The following MPI variants were observed in gnomAD, a reference collection of about 807,000 sequenced individuals.
MPI encodes mannose-6-phosphate isomerase.
In MPI, 33 loss-of-function variants were observed where a neutral mutation model predicts 40.1. That is an observed-to-expected ratio of 0.82 (90% CI 0.62 to 1.10). The LOEUF (loss-of-function observed/expected upper bound fraction) is 1.10, where lower values mean the gene tolerates loss of function less well. Ranked by LOEUF, MPI falls within the 50% of genes least tolerant of loss-of-function variation. The pLI is 0.00. For missense variants in MPI, 514 were observed against 524.1 expected (o/e 0.98, Z 0.19); for synonymous variants, 187 against 207.4 (o/e 0.90, Z 0.85).
rs1455616857 is a variant in MPI, at chr15:74,890,741, G to T, written c.144+87G>T. The T allele has an allele frequency of 1.9e-6, 3 of 1,592,254 alleles. No homozygotes were observed. The Admixed American group carries it at 5.0e-5, about 27-fold the overall frequency. ...AAGTCATAAGAATCAGCTGGGAAGGGTGAGGCAGCAAGGAGGGAGGAGACC... is the reference window on the plus strand; with the variant it reads ...AAGTCATAAGAATCAGCTGGGAAGGTTGAGGCAGCAAGGAGGGAGGAGACC... On this transcript the variant is annotated intron_variant, in intron 2 of 7. Transcript: ENST00000352410.
At position 74,898,684 on chromosome 15, in the gene MPI, C is replaced by G. The variant is rs1229046960; in HGVS notation, c.*954C>G. The G allele has an allele frequency of 1.3e-5, 2 of 152,122 alleles. No individual in the cohort carries two copies. The highest frequency in any genetic ancestry group is 2.9e-5 in the Non-Finnish European group (2 of 68,072). The allele number at this position is 152,122 out of a possible 1,614,324, so 9.4% of individuals were successfully genotyped here. On this transcript the variant is annotated 3_prime_UTR_variant, in exon 8 of 8. Coordinates refer to ENST00000352410, the MANE Select transcript of MPI (RefSeq NM_002435.3). Reference sequence around the variant, plus strand: ...TCCCAAGTAGCTGGGACCACAGGCGCCCACCACCACGCCCAGCCAATTTTT... The same window carrying G: ...TCCCAAGTAGCTGGGACCACAGGCGGCCACCACCACGCCCAGCCAATTTTT...
At chr15:74,890,122 T>C in intron 1 of MPI, 33 bp downstream of exon 1, 1 of 1,607,152 alleles carries the variant, frequency 6.2e-7, no homozygotes, top group South Asian at 1.1e-5. Context: ...GGCGAGTGTG[T>C]TCGTGGAGCG....
At position 74,901,943 on chromosome 15, in the gene MPI, A is replaced by C. The variant is rs2141226619; in HGVS notation, c.*4213A>C. 1 of 396,574 alleles carries C rather than the reference A, an allele frequency of 2.5e-6. No homozygotes were observed. The highest frequency in any genetic ancestry group is 1.4e-4 in the South Asian group (1 of 7,002). The allele number at this position is 396,574 out of a possible 1,614,324, so 24.6% of individuals were successfully genotyped here. A position where few individuals can be genotyped will look rare whatever the true frequency, so the allele number is the denominator to read the frequency against. ...AGGGAAGGGCAAACCAGAATCACTA[A>C]ACTCACCCGGACGGTTGGACCAGTT... On this transcript the variant is annotated 3_prime_UTR_variant, in exon 8 of 8. Coordinates refer to ENST00000352410, the MANE Select transcript of MPI (RefSeq NM_002435.3).
intron 7 of MPI, 103 bp from the exon 8 acceptor site, chr15:74,897,406 GAGA>G (rs1355127365): frequency 2.2e-6 from 3 of 1,341,958 alleles, no homozygotes; most frequent in Non-Finnish European, 3.2e-6. Flanking sequence ...TGGGTTGTGC[GAGA>G]AGGTGGCAGA....
Position 74,897,087 on chromosome 15 carries a change from C to G in MPI, c.921C>G (p.Thr307=), listed in dbSNP as rs988837470. The G allele has an allele frequency of 1.2e-6, 2 of 1,614,022 alleles. No homozygotes were observed. The highest frequency in any genetic ancestry group is 1.3e-5 in the African/African-American group (1 of 74,888). Residue 307 remains threonine, a synonymous_variant, in exon 7 of 8, where the codon ACC becomes ACG. Transcript: ENST00000352410. The part of the protein sequence containing the change: ...GLTPKFIDVP[T]LCEMLSYTPS... ...CACCCAAGTTCATTGATGTGCCAAC[C>G]CTGTGTGAAATGCTCAGCTATACCC...
chr15:74,896,420 C>A lies in MPI; in HGVS notation c.844+95C>A, dbSNP rs141744329. On this transcript the variant is annotated intron_variant, in intron 6 of 7. Transcript: ENST00000352410. ...GAAGGAGAAGGGTGGTCAAGGAGAC[C>A]CCCAAGGACCTTGCAGCTCTGACCT... 21 of 1,432,014 alleles carry A rather than the reference C, an allele frequency of 1.5e-5. No homozygotes were observed. In the East Asian group the frequency reaches 4.7e-4, roughly 32 times the overall value. 88.7% of individuals were successfully genotyped at this position (1,432,014 alleles called of 1,614,324 possible).
In MPI at chr15:74,892,759, G is replaced by T; in HGVS notation, c.444G>T (p.Leu148Phe). The T allele has an allele frequency of 2.5e-6, 4 of 1,614,286 alleles. No homozygotes were observed. The highest frequency in any genetic ancestry group is 3.4e-6 in the Non-Finnish European group (4 of 1,180,054). The part of the protein sequence containing the change: ...MAIALTPFQG[L>F]CGFRPVEEIV... ...TTGCCCTCACCCCCTTCCAGGGCTT[G>T]TGTGGCTTCCGGCCAGTTGAGGAGA... is the stretch of plus-strand genomic sequence containing the variant. The change falls in exon 4 of 8, where the codon TTG becomes TTT. Residue 148 changes from leucine to phenylalanine, a missense_variant. Physicochemically the swap from Leu to Phe is conservative, Grantham distance 22. Transcript: ENST00000352410.
Position 74,897,021 on chromosome 15 carries a change from G to A in MPI, c.855G>A (p.Glu285=), listed in dbSNP as rs769504650. 15 of 1,614,032 alleles carry A rather than the reference G, an allele frequency of 9.3e-6. No homozygotes were observed. Among genetic ancestry groups the A allele is most frequent in the Non-Finnish European group, 1.2e-5 (14 of 1,180,012 alleles). The change falls in exon 7 of 8, where the codon GAG becomes GAA. Residue 285 remains glutamate, a synonymous_variant. Transcript: ENST00000352410. ...PHAYLKGDCV[E]CMACSDNTVR... The stretch of plus-strand genomic sequence containing the variant: ...CGACTGTCTCTCCAGACTGCGTGGA[G>A]TGCATGGCGTGTTCAGACAACACAG...
rs557366025 is a variant in MPI, at chr15:74,896,220, G to A, written c.739G>A (p.Gly247Ser). Residue 247 changes from glycine (G) to serine (S), a missense_variant, in exon 6 of 8, where the codon GGT (glycine) becomes AGT (serine). By Grantham distance (56) the Gly-to-Ser change is moderately conservative (BLOSUM62 0). Transcript: ENST00000352410. ...GCTACAGCTGCACCAGCAGTACCCA[G>A]GTGATATCGGCTGCTTTGCCATCTA... ...LLLQLHQQYP[G>S]DIGCFAIYFL... The A allele has an allele frequency of 8.7e-6, 14 of 1,614,198 alleles. 1 individual carries two copies. The South Asian group carries it at 1.5e-4, about 18-fold the overall frequency.
In MPI at chr15:74,897,690, C is replaced by T. The variant is rs147817691; in HGVS notation, c.1232C>T (p.Pro411Leu). Residue 411 changes from proline to leucine, a missense_variant, in exon 8 of 8, where the codon CCG becomes CTG. Transcript: ENST00000352410. ...NESVSLKLTE[P>L]KDLLIFRACC... ...AGTGTCTCACTGAAGCTTACTGAGC[C>T]GAAGGACCTGCTGATATTCCGTGCC... The T allele has an allele frequency of 4.1e-5, 66 of 1,614,120 alleles. No homozygotes were observed. The highest frequency in any genetic ancestry group is 2.2e-4 in the East Asian group (10 of 44,884).
intron 1 of MPI, 183 bp from the exon 2 acceptor site, chr15:74,890,344 T>C: frequency 1.1e-6 from 1 of 886,164 alleles, no homozygotes; most frequent in Non-Finnish European, 1.8e-6. Flanking sequence ...AGGTCCTTAC[T>C]GCTGCCCATC....
At chr15:74,893,097 T>TA (rs1268782139) in intron 4 of MPI, 41 bp from the exon 5 acceptor site, 2 of 1,611,924 alleles carry the variant, frequency 1.2e-6, no homozygotes, top group Non-Finnish European at 1.7e-6. Context: ...GGTTCCATCT[T>TA]ACCATTCCTG....
chr15:74,890,624 C>G lies in MPI; in HGVS notation c.114C>G (p.Ala38=). 1.9e-6 allele frequency: 3 copies of G among 1,614,074 alleles called. No individual in the cohort carries two copies. The highest frequency in any genetic ancestry group is 2.5e-6 in the Non-Finnish European group (3 of 1,180,042). The part of the protein sequence containing the change: ...ARLLASSDPL[A]QIAEDKPYAE... Reference sequence around the variant, plus strand: ...TGTTGGCCAGCAGTGATCCACTGGCCCAGATCGCAGAGGACAAGCCTTATG... The same window carrying G: ...TGTTGGCCAGCAGTGATCCACTGGCGCAGATCGCAGAGGACAAGCCTTATG... The change falls in exon 2 of 8, where the codon GCC becomes GCG. Residue 38 remains alanine (A), a synonymous_variant. Transcript: ENST00000352410.
chr15:74,894,043 T>G (rs1188948723), intron 5 of MPI, among the ~76,000 whole-genome samples: 3 of 4,988 alleles, frequency 6.0e-4, no homozygotes, highest in Admixed American at 1.8e-3. Context: ...CTGTTCAGTG[T>G]GTGTGTGTGT....
intron 1 of MPI, 91 bp from the exon 2 acceptor site, chr15:74,890,436 A>G: frequency 6.4e-7 from 1 of 1,561,514 alleles, no homozygotes; most frequent in South Asian, 1.1e-5. Flanking sequence ...CTCTGTCCCC[A>G]GTGAGCACCC....
At chr15:74,891,052 A>G in intron 2 of MPI, 1 of 572,840 alleles carries the variant, frequency 1.7e-6, no homozygotes, top group South Asian at 1.5e-5. Context: ...TAACCCCTGA[A>G]AGAATCATTT....
Position 74,890,459 on chromosome 15 carries a change from T to A in MPI, c.17-68T>A, listed in dbSNP as rs1219354242. The A allele has an allele frequency of 2.5e-6, 4 of 1,609,986 alleles. No homozygotes were observed. The African/African-American group carries it at 5.3e-5, about 22-fold the overall frequency. On this transcript the variant is annotated intron_variant, in intron 1 of 7. Coordinates refer to ENST00000352410, the MANE Select transcript of MPI (RefSeq NM_002435.3). ...CCAGTGAGCACCCCCAGCTCTTGCC[T>A]GGTTTCCCGGGACACTAGGGTGGGG... is the stretch of plus-strand genomic sequence containing the variant.
rs1268692163 is a variant in MPI, at chr15:74,900,113, A to C, written c.*2383A>C. On this transcript the variant is annotated 3_prime_UTR_variant, in exon 8 of 8. Transcript: ENST00000352410. Reference sequence around the variant, plus strand: ...CCTGCTGGGAGGTAAGCCTGGATACACCCCTCTCCTCAGGAAACTGTCACC... The same window carrying C: ...CCTGCTGGGAGGTAAGCCTGGATACCCCCCTCTCCTCAGGAAACTGTCACC... 1 of 152,198 alleles carries C rather than the reference A, an allele frequency of 6.6e-6. No homozygotes were observed. The highest frequency in any genetic ancestry group is 2.4e-5 in the African/African-American group (1 of 41,410). The allele number at this position is 152,198 out of a possible 1,614,324, so 9.4% of individuals were successfully genotyped here.
At chr15:74,890,819 G>A in intron 2 of MPI, 165 bp downstream of exon 2, 1 of 922,442 alleles carries the variant, frequency 1.1e-6, no homozygotes, top group Non-Finnish European at 1.7e-6. Flanking sequence ...AAGAAGAGAG[G>A]TTTTGTCATA....
Sources: allele counts gnomAD v4.1 joint callset (sites outside exome capture counted in the v4.1 genomes callset), GRCh38; gene constraint gnomAD v4.1.1; transcripts MANE v1.5; gene names NCBI Gene and HGNC (gene_info 2026-07-23, HGNC 2026-07-21).